The following OXR1 variants were observed in gnomAD, a reference collection of about 807,000 sequenced individuals.
The protein encoded by OXR1 is oxidation resistance 1, also known as oxidation resistance protein 1.
OXR1 carries 41 observed loss-of-function variants against 104.6 expected under a neutral mutation model. The observed-to-expected ratio is 0.39, with a 90% CI of 0.31 to 0.51. The LOEUF is 0.51. Among genes scored for constraint, OXR1 ranks in the 20% least tolerant of loss-of-function variants. The pLI is 0.77. For synonymous variants in OXR1, 348 were observed against 348.4 expected (o/e 1.00, Z 0.01); for missense variants, 955 against 1,031.9 (o/e 0.93, Z 1.02).
At chr8:106,320,108 T>A (rs1440060982) in intron 1 of OXR1, among the ~76,000 whole-genome samples, 1 of 152,206 alleles carries the variant, frequency 6.6e-6, no homozygotes, top group African/African-American at 2.4e-5. Flanking sequence ...ACACATCACA[T>A]AGCAAGACCA....
intron 3 of OXR1, among the ~76,000 whole-genome samples, chr8:106,589,607 C>T (rs1470343406): frequency 6.6e-6 from 1 of 152,184 alleles, no homozygotes; most frequent in Non-Finnish European, 1.5e-5. Flanking sequence ...ATGTAGAAAA[C>T]GCTGGAATTT....
chr8:106,696,008 C>CTTG (rs35858794), intron 7 of OXR1, among the ~76,000 whole-genome samples: 91,743 of 151,648 alleles, frequency 0.6, 28,606 homozygotes, highest in African/African-American at 0.76. Flanking sequence ...AAGATTCTCT[C>CTTG]TTGTACATTC....
chr8:106,325,898 T>C (rs1814450067), intron 1 of OXR1, among the ~76,000 whole-genome samples: 1 of 152,224 alleles, frequency 6.6e-6, no homozygotes. Flanking sequence ...AGCATTTGTA[T>C]TTGAGGATCT....
chr8:106,683,375 A>T, intron 5 of OXR1, 69 bp downstream of exon 5: 1 of 711,368 alleles, frequency 1.4e-6, no homozygotes. Flanking sequence ...TATTTATTGT[A>T]CTGTAGTTAA....
intron 2 of OXR1, among the ~76,000 whole-genome samples, chr8:106,501,478 G>A (rs1811805065): frequency 6.6e-6 from 1 of 152,214 alleles, no homozygotes; most frequent in South Asian, 2.1e-4. Flanking sequence ...GACACGATCT[G>A]AATTATGTTT....
intron 3 of OXR1, among the ~76,000 whole-genome samples, chr8:106,584,810 T>A (rs540903977): frequency 6.6e-6 from 1 of 152,122 alleles, no homozygotes; most frequent in Non-Finnish European, 1.5e-5. Flanking sequence ...AAGGGAATCC[T>A]GCACAGGGTG....
chr8:106,475,445 T>C (rs922579742), intron 2 of OXR1, among the ~76,000 whole-genome samples: 2 of 151,928 alleles, frequency 1.3e-5, no homozygotes, highest in African/African-American at 4.8e-5. Flanking sequence ...TTGGTTTTAC[T>C]GTCTCATGCG....
At chr8:106,594,764 C>T (rs879941107) in intron 3 of OXR1, among the ~76,000 whole-genome samples, 5 of 152,200 alleles carry the variant, frequency 3.3e-5, no homozygotes, top group Non-Finnish European at 4.4e-5. Flanking sequence ...ACCTATGAAA[C>T]ATAGCAGAGT....
chr8:106,726,302 A>G (rs756378619), intron 11 of OXR1: 37 of 1,487,794 alleles, frequency 2.5e-5, no homozygotes, highest in Non-Finnish European at 3.1e-5. Flanking sequence ...AATCATAAAT[A>G]CACTCTGGTA....
At chr8:106,694,722 T>TAG (rs376698085) in intron 7 of OXR1, among the ~76,000 whole-genome samples, 1 of 100,528 alleles carries the variant, frequency 9.9e-6, no homozygotes, top group African/African-American at 3.7e-5. Flanking sequence ...ATAAATATAT[T>TAG]TTTATATATT....
intron 2 of OXR1, among the ~76,000 whole-genome samples, chr8:106,509,929 G>T (rs1012234630): frequency 6.6e-6 from 1 of 151,870 alleles, no homozygotes; most frequent in African/African-American, 2.4e-5. Flanking sequence ...ACACCACCAC[G>T]CCCCGCTAAT....
At chr8:106,484,069 A>G (rs1364307359) in intron 2 of OXR1, among the ~76,000 whole-genome samples, 1 of 152,116 alleles carries the variant, frequency 6.6e-6, no homozygotes, top group African/African-American at 2.4e-5. Flanking sequence ...AAAAAAAATG[A>G]TAAGCTGAAC....
At chr8:106,599,691 A>C (rs1347483570) in intron 3 of OXR1, among the ~76,000 whole-genome samples, 21 of 152,168 alleles carry the variant, frequency 1.4e-4, no homozygotes, top group Non-Finnish European at 2.9e-5. Flanking sequence ...CTTAGTGTAA[A>C]GTTTATATTC....
At chr8:106,553,664 A>C (rs1816047325) in intron 3 of OXR1, among the ~76,000 whole-genome samples, 1 of 152,078 alleles carries the variant, frequency 6.6e-6, no homozygotes, top group Non-Finnish European at 1.5e-5. Flanking sequence ...TTAGATTTTA[A>C]AAATCACCAA....
chr8:106,360,427 C>T (rs912968447), intron 2 of OXR1, among the ~76,000 whole-genome samples: 1 of 151,960 alleles, frequency 6.6e-6, no homozygotes, highest in Non-Finnish European at 1.5e-5. Context: ...TCAATTTGTG[C>T]TGGAAATGTA....
intron 11 of OXR1, among the ~76,000 whole-genome samples, chr8:106,727,264 A>G (rs1477188761): frequency 6.6e-6 from 1 of 152,014 alleles, no homozygotes; most frequent in Non-Finnish European, 1.5e-5. Context: ...TTGAATAATC[A>G]TTTATTCTTA....
intron 2 of OXR1, among the ~76,000 whole-genome samples, chr8:106,490,186 T>C (rs889420218): frequency 2.0e-5 from 3 of 152,166 alleles, no homozygotes; most frequent in African/African-American, 7.2e-5. Flanking sequence ...ATTTTATTTG[T>C]TTTTCTTTCA....
chr8:106,704,731 G>A (rs1335073362), intron 8 of OXR1, among the ~76,000 whole-genome samples: 2 of 151,794 alleles, frequency 1.3e-5, no homozygotes, highest in Non-Finnish European at 2.9e-5. Flanking sequence ...GGTACTTTGG[G>A]GTTCTCTTAT....
At chr8:106,339,064 A>T (rs901698311) in intron 1 of OXR1, among the ~76,000 whole-genome samples, 1 of 152,070 alleles carries the variant, frequency 6.6e-6, no homozygotes, top group African/African-American at 2.4e-5. Context: ...TTAAAGGGAA[A>T]TTTGCATTTT....
Sources: allele counts gnomAD v4.1 joint callset (sites outside exome capture counted in the v4.1 genomes callset), GRCh38; gene constraint gnomAD v4.1.1; transcripts MANE v1.5; gene names NCBI Gene and HGNC (gene_info 2026-07-23, HGNC 2026-07-21).